PRMT8: variants seen among roughly 807,000 people sequenced by gnomAD.
The protein encoded by PRMT8 is protein arginine methyltransferase 8.
Under a neutral mutation model 47.1 loss-of-function variants are expected in PRMT8, and 7 were observed. The observed-to-expected ratio is 0.15, with a 90% CI of 0.08 to 0.28. The LOEUF is 0.28. PRMT8 is among the 10% of genes least tolerant of loss of function. The pLI, the probability that PRMT8 is intolerant of heterozygous loss-of-function variation, is 1.00. For synonymous variants in PRMT8, 188 were observed against 186.5 expected, an observed-to-expected ratio of 1.01 and a Z score of -0.07; for missense variants, 237 against 505.4, an observed-to-expected ratio of 0.47 and a Z score of 5.09.
intron 1 of PRMT8, among the ~76,000 whole-genome samples, chr12:3,442,001 C>T (rs1425250460): frequency 6.6e-6 from 1 of 152,188 alleles, no homozygotes; most frequent in African/African-American, 2.4e-5. Flanking sequence ...CCAAACCGAA[C>T]AACTATCCAG....
chr12:3,541,675 G>A (rs1302531146), intron 2 of PRMT8, among the ~76,000 whole-genome samples: 1 of 152,218 alleles, frequency 6.6e-6, no homozygotes, highest in Non-Finnish European at 1.5e-5. Context: ...CGTACTCACT[G>A]CTGTAAACTC....
intron 1 of PRMT8, among the ~76,000 whole-genome samples, chr12:3,506,200 G>A (rs1865621526): frequency 6.6e-6 from 1 of 152,144 alleles, no homozygotes; most frequent in South Asian, 2.1e-4. Flanking sequence ...GATATGTATG[G>A]GTAGTGGTGC....
In PRMT8 at chr12:3,576,139, G is replaced by A. The variant is rs972021912; in HGVS notation, c.713-732G>A. Among the ~76,000 whole-genome samples the A allele has an allele frequency of 6.6e-6, 1 of 152,312 alleles. No homozygotes were observed. The highest frequency in any genetic ancestry group is 6.5e-5 in the Admixed American group (1 of 15,294). On this transcript the variant is annotated intron_variant, in intron 6 of 9. Coordinates refer to ENST00000382622, the MANE Select transcript of PRMT8 (RefSeq NM_019854.5). This position sits in a 1 kb window ranked among gnomAD's most constrained non-coding sequence, Gnocchi z 4.0. ...AAGTATCTTATGAGTAGCCCAAAGG[G>A]GACAAGGAGCACGGCTGACAAGGAG...
chr12:3,403,285 T>C (rs996509798), intron 1 of PRMT8, among the ~76,000 whole-genome samples: 1 of 151,858 alleles, frequency 6.6e-6, no homozygotes, highest in African/African-American at 2.4e-5. Flanking sequence ...CATGGACACA[T>C]GAGGGGAACA....
intron 1 of PRMT8, among the ~76,000 whole-genome samples, chr12:3,413,762 G>GA (rs1003499911): frequency 2.0e-5 from 3 of 149,780 alleles, no homozygotes; most frequent in Admixed American, 6.6e-5. Context: ...GTATTCGGGG[G>GA]AAAAAAAACC....
chr12:3,382,322 G>A (rs1864100361), intron 1 of PRMT8, among the ~76,000 whole-genome samples: 1 of 152,198 alleles, frequency 6.6e-6, no homozygotes, highest in Non-Finnish European at 1.5e-5. Flanking sequence ...GTTTTCCAGA[G>A]TGGCCGTACC....
chr12:3,513,369 A>G (rs1241726312), intron 1 of PRMT8, among the ~76,000 whole-genome samples: 3 of 151,960 alleles, frequency 2.0e-5, no homozygotes, highest in South Asian at 2.1e-4. Context: ...TGAACAGATA[A>G]CTCCTATTTC....
intron 4 of PRMT8, among the ~76,000 whole-genome samples, chr12:3,562,194 C>CA (rs1031005660): frequency 6.6e-6 from 1 of 151,994 alleles, no homozygotes; most frequent in Non-Finnish European, 1.5e-5. Flanking sequence ...ATAACCATAT[C>CA]AAAAAAAGAA....
rs150261912 is a variant in PRMT8, at chr12:3,534,118, C to T, written c.76-6488C>T. On this transcript the variant is annotated intron_variant, in intron 1 of 9. Coordinates refer to ENST00000382622, the MANE Select transcript of PRMT8 (RefSeq NM_019854.5). ...GGCTGGAAGCCTCCTGCCACCCCTACTCTGTCCCCTCCCACTGCGATCCTC... is the reference window on the plus strand; with the variant it reads ...GGCTGGAAGCCTCCTGCCACCCCTATTCTGTCCCCTCCCACTGCGATCCTC... 9.6e-4 allele frequency among the ~76,000 whole-genome samples: 146 copies of T among 152,378 alleles called. 1 individual carries two copies. The highest frequency in any genetic ancestry group is 3.3e-3 in the African/African-American group (137 of 41,604).
intron 1 of PRMT8, among the ~76,000 whole-genome samples, chr12:3,445,003 T>G (rs903258586): frequency 5.3e-5 from 8 of 152,116 alleles, no homozygotes; most frequent in Non-Finnish European, 7.3e-5. Flanking sequence ...AGGGAGGGCT[T>G]TGTGCCAGAG....
At chr12:3,534,690 A>T (rs1250020076) in intron 1 of PRMT8, among the ~76,000 whole-genome samples, 2 of 151,212 alleles carry the variant, frequency 1.3e-5, no homozygotes, top group Non-Finnish European at 2.9e-5. Flanking sequence ...TTGCCTGTTG[A>T]CTCTCTTTCT....
intron 1 of PRMT8, among the ~76,000 whole-genome samples, chr12:3,464,505 G>A (rs1421834290): frequency 6.6e-6 from 1 of 152,048 alleles, no homozygotes; most frequent in Non-Finnish European, 1.5e-5. Flanking sequence ...GGCATGGAGT[G>A]GGGGAGGGTA....
At chr12:3,496,460 A>G (rs1865512480) in intron 1 of PRMT8, among the ~76,000 whole-genome samples, 1 of 151,512 alleles carries the variant, frequency 6.6e-6, no homozygotes, top group Non-Finnish European at 1.5e-5. Flanking sequence ...GGGTTAGGGA[A>G]TTGAGGAAGA....
At position 3,456,561 on chromosome 12, in the gene PRMT8, C is replaced by T. The variant is rs78740000; in HGVS notation, c.48+75119C>T. ...GCCCGATCATCCCCCAATTCACCAA[C>T]AGCCTTCTCCTCGCGAAACGCCCGG... On this transcript the variant is annotated intron_variant, in intron 1 of 9. Coordinates refer to the PRMT8 transcript ENST00000452611. The surrounding 1 kb of genome is among the most constrained non-coding windows in gnomAD (Gnocchi z 4.2). 0.012 allele frequency among the ~76,000 whole-genome samples: 1,834 copies of T among 152,304 alleles called. 17 individuals are homozygous for T. The highest frequency in any genetic ancestry group is 0.017 in the Non-Finnish European group (1,153 of 68,036).
At chr12:3,383,248 T>C in intron 1 of PRMT8, among the ~76,000 whole-genome samples, 1 of 152,246 alleles carries the variant, frequency 6.6e-6, no homozygotes, top group East Asian at 1.9e-4. Context: ...TGTCTATATC[T>C]ATAAAAATCT....
At chr12:3,385,771 G>A (rs904692100) in intron 1 of PRMT8, among the ~76,000 whole-genome samples, 14 of 152,208 alleles carry the variant, frequency 9.2e-5, no homozygotes, top group African/African-American at 2.2e-4. Flanking sequence ...GCATTGCAAA[G>A]CTCTTTTGCC....
rs1488303592 is a variant in PRMT8, at chr12:3,580,900, G to A, written c.829-2158G>A. ...GTTTTTGAGCTGGAGGACACCTGTG[G>A]ACAGCATGTGGCCATGTGGCTGGGA... On this transcript the variant is annotated intron_variant, in intron 7 of 9. Transcript: ENST00000382622. This position sits in a 1 kb window ranked among gnomAD's most constrained non-coding sequence, Gnocchi z 4.6. Among the ~76,000 whole-genome samples the A allele has an allele frequency of 6.6e-6, 1 of 152,186 alleles. No homozygotes were observed. The highest frequency in any genetic ancestry group is 1.5e-5 in the Non-Finnish European group (1 of 68,036).
At chr12:3,546,495 G>A (rs1866330264) in intron 2 of PRMT8, among the ~76,000 whole-genome samples, 1 of 152,032 alleles carries the variant, frequency 6.6e-6, no homozygotes, top group South Asian at 2.1e-4. Context: ...TGGAGGCAAG[G>A]ACCTCCTGAC....
rs375938624 is a variant in PRMT8 at position 3,514,416 on chromosome 12, G to C, written c.75+22716G>C. 2.6e-5 allele frequency among the ~76,000 whole-genome samples: 4 copies of C among 152,212 alleles called. No homozygotes were observed. Among genetic ancestry groups the C allele is most frequent in the Admixed American group, 2.0e-4 (3 of 15,296 alleles). ...GTGGCTGGCATTCGGGCTGCAAGAC[G>C]TGGTTTAGAGAGGGGTTGCTCACCC... is the stretch of plus-strand genomic sequence containing the variant. On this transcript the variant is annotated intron_variant, in intron 1 of 9. Transcript: ENST00000382622. The surrounding 1 kb of genome is among the most constrained non-coding windows in gnomAD (Gnocchi z 5.9).
Sources: allele counts gnomAD v4.1 joint callset (sites outside exome capture counted in the v4.1 genomes callset), GRCh38; gene constraint gnomAD v4.1.1; non-coding constraint Gnocchi (gnomAD v3.1); transcripts MANE v1.5; gene names NCBI Gene and HGNC (gene_info 2026-07-23, HGNC 2026-07-21).